LRRC49: variants seen among roughly 807,000 people sequenced by gnomAD.
LRRC49 encodes leucine-rich repeat-containing protein 49.
In LRRC49, 50 loss-of-function variants were observed where a neutral mutation model predicts 83.3. The ratio of observed to expected loss-of-function variants is 0.60; its 90% CI spans 0.48 to 0.76. LRRC49 has a LOEUF of 0.76. Among genes scored for constraint, LRRC49 ranks in the 30% least tolerant of loss-of-function variants. The pLI, the probability that LRRC49 is intolerant of heterozygous loss-of-function variation, is 0.00. For missense variants in LRRC49, 704 were observed against 809.1 expected (o/e 0.87, Z 1.58); for synonymous variants, 286 against 283.3 (o/e 1.01, Z -0.10).
intron 11 of LRRC49, among the ~76,000 whole-genome samples, chr15:71,007,709 GTATATATATATATATA>G (rs55946096): frequency 2.2e-5 from 3 of 137,706 alleles, no homozygotes; most frequent in Non-Finnish European, 4.7e-5. Context: ...TGAGAAGCAT[GTATATATATATATATA>G]TATATATATA....
intron 1 of LRRC49, among the ~76,000 whole-genome samples, chr15:70,861,484 T>A (rs2032789281): frequency 6.7e-6 from 1 of 149,250 alleles, no homozygotes; most frequent in Admixed American, 6.8e-5. Context: ...AGTCGGGTCA[T>A]TGCTGCAGGT....
chr15:71,022,058 T>C (rs2039011565), intron 14 of LRRC49, among the ~76,000 whole-genome samples: 1 of 152,088 alleles, frequency 6.6e-6, no homozygotes, highest in African/African-American at 2.4e-5. Context: ...AAAATGCAAA[T>C]ATATTAATTG....
chr15:70,966,208 TAC>T (rs1391942779), intron 9 of LRRC49, among the ~76,000 whole-genome samples: 1 of 152,132 alleles, frequency 6.6e-6, no homozygotes, highest in Non-Finnish European at 1.5e-5. Context: ...TGTGGTGGAT[TAC>T]ACAAATATTT....
At chr15:71,042,449 T>C (rs1660974) in intron 15 of LRRC49, among the ~76,000 whole-genome samples, 117,363 of 152,014 alleles carry the variant, frequency 0.77, 46,684 homozygotes, top group East Asian at 0.87. Flanking sequence ...AAAGAAACAC[T>C]AATCTAACAA....
chr15:70,953,800 T>C (rs2036304259), intron 8 of LRRC49, among the ~76,000 whole-genome samples: 1 of 152,136 alleles, frequency 6.6e-6, no homozygotes, highest in African/African-American at 2.4e-5. Context: ...TCTCAGCTAT[T>C]CTGTTATTTT....
intron 13 of LRRC49, among the ~76,000 whole-genome samples, chr15:71,010,281 A>C (rs981032322): frequency 6.6e-6 from 1 of 152,030 alleles, no homozygotes; most frequent in Non-Finnish European, 1.5e-5. Context: ...ACAGTTAAAA[A>C]TAAAAATAAA....
chr15:70,866,381 G>A (rs140173932), intron 1 of LRRC49, among the ~76,000 whole-genome samples: 209 of 152,102 alleles, frequency 1.4e-3, no homozygotes, highest in African/African-American at 4.6e-3. Flanking sequence ...TCTTGATCTC[G>A]TGATCCGCCC....
intron 8 of LRRC49, among the ~76,000 whole-genome samples, chr15:70,958,136 T>A (rs1239310075): frequency 6.6e-6 from 1 of 152,086 alleles, no homozygotes; most frequent in Non-Finnish European, 1.5e-5. Flanking sequence ...CCATAGAACA[T>A]CTCCCCTCTT....
chr15:70,961,743 G>A (rs1245003861), intron 8 of LRRC49, among the ~76,000 whole-genome samples: 2 of 152,216 alleles, frequency 1.3e-5, no homozygotes, highest in African/African-American at 2.4e-5. Flanking sequence ...AGTGATTTGG[G>A]AGGAGGAGAG....
intron 3 of LRRC49, among the ~76,000 whole-genome samples, chr15:70,896,648 A>G (rs942195755): frequency 6.6e-6 from 1 of 152,148 alleles, no homozygotes; most frequent in African/African-American, 2.4e-5. Context: ...AGCTTTCTGT[A>G]ATGTGCTCAT....
chr15:70,943,261 T>C (rs554113810), intron 8 of LRRC49, among the ~76,000 whole-genome samples: 3 of 152,262 alleles, frequency 2.0e-5, no homozygotes, highest in African/African-American at 7.2e-5. Flanking sequence ...GCGGCAAATC[T>C]ATATGGGTCT....
At chr15:71,024,098 C>T (rs2039081382) in intron 14 of LRRC49, among the ~76,000 whole-genome samples, 1 of 152,250 alleles carries the variant, frequency 6.6e-6, no homozygotes, top group Non-Finnish European at 1.5e-5. Context: ...GGTTTAGGGA[C>T]AGACCTCTGA....
intron 7 of LRRC49, among the ~76,000 whole-genome samples, chr15:70,930,428 C>T (rs2035364065): frequency 6.6e-6 from 1 of 151,240 alleles, no homozygotes; most frequent in Non-Finnish European, 1.5e-5. Flanking sequence ...CTTTGTTGTT[C>T]TGTTTATAGA....
intron 6 of LRRC49, among the ~76,000 whole-genome samples, chr15:70,912,916 A>T (rs1300347791): frequency 6.6e-6 from 1 of 152,044 alleles, no homozygotes; most frequent in Non-Finnish European, 1.5e-5. Context: ...TGACCTCGTG[A>T]TCCACCTGCC....
At chr15:70,975,038 A>C (rs945855832) in intron 9 of LRRC49, among the ~76,000 whole-genome samples, 6 of 152,366 alleles carry the variant, frequency 3.9e-5, no homozygotes, top group African/African-American at 1.4e-4. Context: ...GTGATTATTA[A>C]AAGTTAATAT....
At chr15:70,935,359 C>T (rs1339408018) in intron 7 of LRRC49, among the ~76,000 whole-genome samples, 2 of 152,114 alleles carry the variant, frequency 1.3e-5, no homozygotes, top group Admixed American at 6.5e-5. Context: ...AAAAACAAGG[C>T]AGCTTCATTT....
chr15:70,864,619 C>G (rs1174585417), intron 1 of LRRC49, among the ~76,000 whole-genome samples: 1 of 152,208 alleles, frequency 6.6e-6, no homozygotes, highest in East Asian at 1.9e-4. Flanking sequence ...AGATGCGTGA[C>G]ATGCTTATTC....
intron 1 of LRRC49, chr15:70,859,505 G>GTGCA (rs762415421): frequency 1.5e-6 from 1 of 686,888 alleles, no homozygotes. Flanking sequence ...TGAGGTCAAG[G>GTGCA]TGCAGTAGGA....
chr15:70,896,948 G>A (rs1356502603), intron 3 of LRRC49, among the ~76,000 whole-genome samples: 1 of 152,150 alleles, frequency 6.6e-6, no homozygotes, highest in Non-Finnish European at 1.5e-5. Flanking sequence ...GAAAACATCT[G>A]TCTTTGCCTT....
Sources: gnomAD v4.1 joint callset for allele counts (sites outside exome capture counted in the v4.1 genomes callset) on GRCh38, gnomAD v4.1.1 for gene constraint, MANE v1.5 for transcripts, NCBI Gene and HGNC (gene_info 2026-07-23, HGNC 2026-07-21) for gene names.